The following CHIA variants were observed in gnomAD, a reference collection of about 807,000 sequenced individuals.
The protein encoded by CHIA is chitinase acidic.
Under a neutral mutation model 53.5 loss-of-function variants are expected in CHIA, and 47 were observed. The observed-to-expected ratio is 0.88, with a 90% CI of 0.70 to 1.12. The LOEUF (loss-of-function observed/expected upper bound fraction) is 1.12. Ranked by LOEUF, CHIA falls within the 50% of genes most tolerant of loss-of-function variation. The pLI is 0.00. For synonymous variants in CHIA, 268 were observed against 222.2 expected (o/e 1.21, Z -1.83); for missense variants, 652 against 592.2 (o/e 1.10, Z -1.05).
chr1:111,296,191 G>A (rs568186021), intron 1 of CHIA, among the ~76,000 whole-genome samples: 2 of 152,350 alleles, frequency 1.3e-5, no homozygotes, highest in South Asian at 2.1e-4. Flanking sequence ...CTGTCTGACA[G>A]CTCTGAAGAG....
rs199874052 is a variant in CHIA at position 111,317,780 on chromosome 1, G to A, written c.580G>A (p.Gly194Ser). ...TGCTGGCATCTCCAATATCCAGTCT[G>A]GCTATGAGATCCCCCAACTGTCACA... ...VAAGISNIQS[G>S]YEIPQLSQYL... The change falls in exon 7 of 12, where the codon GGC becomes AGC. Residue 194 changes from glycine to serine, a missense_variant. By Grantham distance (56) the Gly-to-Ser change is moderately conservative. Coordinates refer to ENST00000369740, the MANE Select transcript of CHIA (RefSeq NM_201653.4). 1.5e-5 allele frequency: 24 copies of A among 1,613,596 alleles called. No homozygotes were observed. In the East Asian group the frequency reaches 4.7e-4, roughly 31 times the overall value.
intron 6 of CHIA, chr1:111,315,780 T>C (rs1359567842): frequency 4.3e-6 from 2 of 461,226 alleles, no homozygotes; most frequent in Admixed American, 4.7e-5. Context: ...TTGCCCAAGA[T>C]CACACAACTA....
chr1:111,293,318 T>C (rs1661138900), intron 1 of CHIA, among the ~76,000 whole-genome samples: 1 of 152,204 alleles, frequency 6.6e-6, no homozygotes, highest in Non-Finnish European at 1.5e-5. Context: ...TTGATAGGCA[T>C]TTCCTTAATG....
chr1:111,308,524 T>A (rs1461738937), intron 1 of CHIA, among the ~76,000 whole-genome samples: 2 of 152,170 alleles, frequency 1.3e-5, no homozygotes, highest in African/African-American at 4.8e-5. Flanking sequence ...AAAGAAACAA[T>A]AAAGTCAAGC....
At position 111,296,073 on chromosome 1, in the gene CHIA, G is replaced by A. The variant is rs189327402; in HGVS notation, c.-69+5123G>A. Among the ~76,000 whole-genome samples the A allele has an allele frequency of 2.5e-3, 378 of 152,320 alleles. 2 individuals are homozygous for A. The highest frequency in any genetic ancestry group is 8.3e-3 in the African/African-American group (347 of 41,572). On this transcript the variant is annotated intron_variant, in intron 1 of 11. Transcript: ENST00000369740. ...AGAGGCTGGGAAGCTCAAACATGAC[G>A]GAGCCCATCACAGCTCAGCAAGGCT... is the stretch of plus-strand genomic sequence containing the variant.
At chr1:111,318,821 A>AT in intron 9 of CHIA, 143 bp downstream of exon 9, 1 of 935,078 alleles carries the variant, frequency 1.1e-6, no homozygotes, top group Non-Finnish European at 1.6e-6. Context: ...AATAGCATTC[A>AT]TTTACATAAT....
chr1:111,294,530 G>T (rs1661227359), intron 1 of CHIA, among the ~76,000 whole-genome samples: 2 of 152,042 alleles, frequency 1.3e-5, no homozygotes, highest in Admixed American at 1.3e-4. Flanking sequence ...TTCCCAAATT[G>T]GATGCCTTTT....
chr1:111,313,400 G>A (rs1231332428), intron 4 of CHIA, among the ~76,000 whole-genome samples: 1 of 152,154 alleles, frequency 6.6e-6, no homozygotes, highest in Admixed American at 6.5e-5. Flanking sequence ...CTGATGATTA[G>A]TGATGTTGAG....
chr1:111,304,526 C>A (rs1648020283), intron 1 of CHIA, among the ~76,000 whole-genome samples: 1 of 152,130 alleles, frequency 6.6e-6, no homozygotes, highest in African/African-American at 2.4e-5. Context: ...TGCCCTTGAA[C>A]CTTTCTAGTA....
intron 5 of CHIA, 145 bp from the exon 6 acceptor site, chr1:111,315,125 A>G (rs1649043548): frequency 6.1e-6 from 4 of 653,390 alleles, no homozygotes; most frequent in Non-Finnish European, 1.1e-5. Flanking sequence ...ATTACAAAGG[A>G]AGGAGAGGAG....
intron 3 of CHIA, 40 bp downstream of exon 3, chr1:111,311,758 A>G (rs1475299104): frequency 6.3e-7 from 1 of 1,597,728 alleles, no homozygotes; most frequent in Admixed American, 1.7e-5. Context: ...GAATGTATAT[A>G]TACGAGATAA....
Position 111,317,765 on chromosome 1 carries a change from T to C in CHIA, c.565T>C (p.Ser189Pro), listed in dbSNP as rs369860168. The change falls in exon 7 of 12, where the codon TCC (serine) becomes CCC (proline). Residue 189 changes from serine (S) to proline (P), a missense_variant. Physicochemically the swap from Ser to Pro is moderately conservative, Grantham distance 74. Transcript: ENST00000369740. ...MVTAAVAAGI[S>P]NIQSGYEIPQ... Reference sequence around the variant, plus strand: ...CACTGCTGCAGTAGCTGCTGGCATCTCCAATATCCAGTCTGGCTATGAGAT... The same window carrying C: ...CACTGCTGCAGTAGCTGCTGGCATCCCCAATATCCAGTCTGGCTATGAGAT... 1.2e-6 allele frequency: 2 copies of C among 1,613,728 alleles called. No homozygotes were observed. Among genetic ancestry groups the C allele is most frequent in the African/African-American group, 2.7e-5 (2 of 75,002 alleles).
chr1:111,309,457 A>G (rs149621573), intron 1 of CHIA, among the ~76,000 whole-genome samples: 108 of 152,316 alleles, frequency 7.1e-4, no homozygotes, highest in African/African-American at 2.5e-3. Context: ...CATAAAGTAA[A>G]TCAAAAGAAG....
At chr1:111,308,668 A>G (rs996599853) in intron 1 of CHIA, among the ~76,000 whole-genome samples, 7 of 152,176 alleles carry the variant, frequency 4.6e-5, no homozygotes, top group African/African-American at 1.7e-4. Flanking sequence ...GTCTGGTGTC[A>G]TACAACAATA....
At chr1:111,296,765 A>G (rs1661365813) in intron 1 of CHIA, among the ~76,000 whole-genome samples, 1 of 152,170 alleles carries the variant, frequency 6.6e-6, no homozygotes, top group Non-Finnish European at 1.5e-5. Context: ...GTCGATAATA[A>G]CAAACTTATC....
intron 6 of CHIA, 185 bp from the exon 7 acceptor site, chr1:111,317,496 C>T (rs747465295): frequency 1.6e-6 from 1 of 622,746 alleles, no homozygotes; most frequent in Admixed American, 3.0e-5. Context: ...TATTAGATAG[C>T]CAGAAAATTC....
rs766472526 is a variant in CHIA, at chr1:111,319,395, T to C, written c.1104T>C (p.Thr368=). The C allele has an allele frequency of 6.2e-7, 1 of 1,614,052 alleles. No individual in the cohort carries two copies. Among genetic ancestry groups the C allele is most frequent in the African/African-American group, 1.3e-5 (1 of 74,922 alleles). The change falls in exon 11 of 12, where the codon ACT becomes ACC. Residue 368 remains threonine (T), a synonymous_variant. Coordinates refer to ENST00000369740, the MANE Select transcript of CHIA (RefSeq NM_201653.4). ...GGGCCATTGATCTGGATGACTTCAC[T>C]GGCACTTTCTGCAACCAGGGCAAGT... ...MVWAIDLDDF[T]GTFCNQGKFP...
chr1:111,320,024 A>G (rs1649529259), intron 11 of CHIA, among the ~76,000 whole-genome samples, 189 bp from the exon 12 acceptor site: 1 of 152,238 alleles, frequency 6.6e-6, no homozygotes, highest in African/African-American at 2.4e-5. Context: ...ATTAAAAGCC[A>G]GGCTGGCTTG....
At chr1:111,302,095 G>C (rs1200606457) in intron 1 of CHIA, among the ~76,000 whole-genome samples, 1 of 152,140 alleles carries the variant, frequency 6.6e-6, no homozygotes, top group Admixed American at 6.5e-5. Flanking sequence ...TTTATAGTCA[G>C]TAGTAATGTC....
Sources: allele counts gnomAD v4.1 joint callset (sites outside exome capture counted in the v4.1 genomes callset), GRCh38; gene constraint gnomAD v4.1.1; transcripts MANE v1.5; gene names NCBI Gene and HGNC (gene_info 2026-07-23, HGNC 2026-07-21).